TIAM2: variants seen among roughly 807,000 people sequenced by gnomAD.
The protein encoded by TIAM2 is rho guanine nucleotide exchange factor TIAM2.
A neutral mutation model predicts 152.9 loss-of-function variants in TIAM2; 80 were observed. That is an observed-to-expected ratio of 0.52 (90% CI 0.44 to 0.63). The LOEUF is 0.63. Ranked by LOEUF, TIAM2 falls within the 30% of genes least tolerant of loss-of-function variation. The pLI, the probability that TIAM2 is intolerant of heterozygous loss-of-function variation, is 0.00. For missense variants in TIAM2, 1,965 were observed against 2,120.1 expected, an observed-to-expected ratio of 0.93 and a Z score of 1.44; for synonymous variants, 804 against 838.0, an observed-to-expected ratio of 0.96 and a Z score of 0.70.
At chr6:155,137,748 A>G (rs1453803411) in intron 5 of TIAM2, 136 bp downstream of exon 5, 4 of 907,100 alleles carry the variant, frequency 4.4e-6, no homozygotes, top group Non-Finnish European at 6.5e-6. Flanking sequence ...GGCTGCCTTC[A>G]TGCAGATACT....
At chr6:155,003,870 A>C (rs1778356437) in intron 1 of TIAM2, among the ~76,000 whole-genome samples, 1 of 152,060 alleles carries the variant, frequency 6.6e-6, no homozygotes, top group Non-Finnish European at 1.5e-5. Context: ...ACTCCCAGCT[A>C]CTCAGGAGGC....
intron 1 of TIAM2, among the ~76,000 whole-genome samples, chr6:155,006,672 C>G (rs1778407272): frequency 6.7e-6 from 1 of 148,254 alleles, no homozygotes; most frequent in African/African-American, 2.5e-5. Flanking sequence ...TCTCCCCCAC[C>G]TCCCCCCACC....
chr6:155,169,849 C>CA (rs1277087064), intron 9 of TIAM2, among the ~76,000 whole-genome samples: 56 of 151,682 alleles, frequency 3.7e-4, no homozygotes, highest in African/African-American at 1.3e-3. Flanking sequence ...GATGGAGTCT[C>CA]ACTCTGTTGC....
chr6:155,251,090 C>T, intron 22 of TIAM2, 69 bp downstream of exon 22: 3 of 1,369,542 alleles, frequency 2.2e-6, no homozygotes, highest in Non-Finnish European at 3.1e-6. Flanking sequence ...TCACTAGCCG[C>T]ACCAGTCCAG....
Position 155,257,239 on chromosome 6 carries a change from T to C in TIAM2, c.*118T>C, listed in dbSNP as rs1417246694. 8.8e-7 allele frequency: 1 copy of C among 1,131,140 alleles called. No individual in the cohort carries two copies. The highest frequency in any genetic ancestry group is 1.2e-6 in the Non-Finnish European group (1 of 813,048). 70.1% of individuals were successfully genotyped at this position (1,131,140 alleles called of 1,614,324 possible). A position where few individuals can be genotyped will look rare whatever the true frequency, so the allele number is the denominator to read the frequency against. On this transcript the variant is annotated 3_prime_UTR_variant, in exon 27 of 27. Coordinates refer to ENST00000682666, the MANE Select transcript of TIAM2 (RefSeq NM_012454.4). Reference sequence around the variant, plus strand: ...GTTCATTCCTGGGTTTTGTGCAGTATACATTTTCCCACAAAATGGTTGTAA... The same window carrying C: ...GTTCATTCCTGGGTTTTGTGCAGTACACATTTTCCCACAAAATGGTTGTAA...
chr6:155,029,743 T>C (rs1776785972), intron 1 of TIAM2, among the ~76,000 whole-genome samples: 1 of 86,804 alleles, frequency 1.2e-5, no homozygotes, highest in South Asian at 3.0e-4. Context: ...AGTATATAAC[T>C]ATATATATAT....
chr6:155,171,682 A>G (rs141075127), intron 9 of TIAM2, among the ~76,000 whole-genome samples: 3 of 152,216 alleles, frequency 2.0e-5, no homozygotes, highest in Non-Finnish European at 4.4e-5. Context: ...GTTTAGAGAG[A>G]ATATTAATAC....
intron 1 of TIAM2, among the ~76,000 whole-genome samples, chr6:155,047,688 GGAGAGAGAGAGAGAGAGC>G (rs1777215337): frequency 2.0e-4 from 9 of 44,718 alleles, no homozygotes; most frequent in Admixed American, 5.4e-4. Context: ...GAGAGAGAGA[GGAGAGAGAGAGAGAGAGC>G]GAGAGAGAGA....
chr6:155,047,693 GAGAGAGAGAGAGC>G (rs1777216809), intron 1 of TIAM2, among the ~76,000 whole-genome samples: 4 of 11,282 alleles, frequency 3.5e-4, no homozygotes, highest in African/African-American at 9.2e-4. Context: ...AGAGAGGAGA[GAGAGAGAGAGAGC>G]GAGAGAGAGA....
At chr6:155,140,583 AG>A (rs1562329647) in intron 5 of TIAM2, among the ~76,000 whole-genome samples, 332 of 138,604 alleles carry the variant, frequency 2.4e-3, no homozygotes, top group African/African-American at 1.0e-2. Context: ...TGAGAGAGAG[AG>A]AGAGAGAGAG....
At chr6:155,208,917 G>T (rs1259120824) in intron 14 of TIAM2, among the ~76,000 whole-genome samples, 1 of 151,948 alleles carries the variant, frequency 6.6e-6, no homozygotes, top group African/African-American at 2.4e-5. Context: ...ATGGTGCCCG[G>T]CTCCTCCTAG....
rs567172533 is a variant in TIAM2 at position 155,218,820 on chromosome 6, T to C, written c.3168+7513T>C. ...CCATCTCAGCTGCCCACCCGTGTTC[T>C]TGACCATCTCAGCCATCCACCCGTG... is the stretch of plus-strand genomic sequence containing the variant. On this transcript the variant is annotated intron_variant, in intron 15 of 26. Transcript: ENST00000682666. This position sits in a 1 kb window ranked among gnomAD's most constrained non-coding sequence, Gnocchi z 4.5. 3.3e-4 allele frequency among the ~76,000 whole-genome samples: 51 copies of C among 152,240 alleles called. No individual in the cohort carries two copies. Among genetic ancestry groups the C allele is most frequent in the African/African-American group, 1.2e-3 (49 of 41,550 alleles).
chr6:155,045,129 C>T (rs1337539453), intron 1 of TIAM2, among the ~76,000 whole-genome samples: 1 of 148,862 alleles, frequency 6.7e-6, no homozygotes, highest in Non-Finnish European at 1.5e-5. Flanking sequence ...CGGCTCACTG[C>T]AGCCTCTGCC....
intron 1 of TIAM2, among the ~76,000 whole-genome samples, chr6:155,079,354 G>A (rs866377714): frequency 7.2e-5 from 11 of 152,104 alleles, no homozygotes; most frequent in East Asian, 5.8e-4. Context: ...GAGCCTCCTC[G>A]CCTGGACCCA....
rs1454261644 is a variant in TIAM2, at chr6:155,183,411, C to T, written c.2975C>T (p.Ser992Phe). 3 of 1,614,036 alleles carry T rather than the reference C, an allele frequency of 1.9e-6. No individual in the cohort carries two copies. Among genetic ancestry groups the T allele is most frequent in the Admixed American group, 1.7e-5 (1 of 59,998 alleles). The change falls in exon 14 of 27, where the codon TCC becomes TTC. Residue 992 changes from serine (S) to phenylalanine (F), a missense_variant. By Grantham distance (155) the Ser-to-Phe change is radical. This residue lies in a region of TIAM2 where 935 missense variants were observed against 980.0 expected (regional missense o/e 0.95). Coordinates refer to ENST00000682666, the MANE Select transcript of TIAM2 (RefSeq NM_012454.4). Reference sequence around the variant, plus strand: ...TCCTGGTCAGACAGTGACCTGTTCTCCAGGGACCAGAAGAGTCTGCTGCCC... The same window carrying T: ...TCCTGGTCAGACAGTGACCTGTTCTTCAGGGACCAGAAGAGTCTGCTGCCC... ...CTSWSDSDLF[S>F]RDQKSLLPPP...
chr6:155,227,721 A>G (rs1392382733), intron 15 of TIAM2, among the ~76,000 whole-genome samples: 2 of 152,202 alleles, frequency 1.3e-5, no homozygotes, highest in Admixed American at 1.3e-4. Flanking sequence ...TCTTTAGCTT[A>G]ATTTACAAAG....
chr6:155,256,201 A>C (rs1784011881), intron 26 of TIAM2: 1 of 564,534 alleles, frequency 1.8e-6, no homozygotes, highest in East Asian at 3.0e-5. Context: ...CAAAATAAGA[A>C]TCTTAGCCCA....
chr6:155,192,340 C>T (rs1223994819), intron 14 of TIAM2, among the ~76,000 whole-genome samples: 5 of 152,148 alleles, frequency 3.3e-5, no homozygotes, highest in South Asian at 2.1e-4. Flanking sequence ...TTCTGGTATT[C>T]GGGGTGCCAT....
chr6:155,101,034 G>A (rs865897192), intron 2 of TIAM2, among the ~76,000 whole-genome samples: 4 of 152,130 alleles, frequency 2.6e-5, no homozygotes, highest in East Asian at 1.9e-4. Context: ...AGCATCACAC[G>A]TGGGAGGTAA....
Sources: gnomAD v4.1 joint callset for allele counts (sites outside exome capture counted in the v4.1 genomes callset) on GRCh38, gnomAD v4.1.1 for gene constraint, gnomAD v4.1.1 regional missense constraint, Gnocchi (gnomAD v3.1) non-coding constraint, MANE v1.5 for transcripts, NCBI Gene and HGNC (gene_info 2026-07-23, HGNC 2026-07-21) for gene names.